STXBP5L: variants seen among roughly 807,000 people sequenced by gnomAD.
STXBP5L encodes the protein syntaxin-binding protein 5-like.
STXBP5L carries 65 observed loss-of-function variants against 144.5 expected under a neutral mutation model. The observed-to-expected ratio is 0.45, with a 90% CI of 0.37 to 0.55. STXBP5L has a LOEUF of 0.55. Among genes scored for constraint, STXBP5L ranks in the 20% least tolerant of loss-of-function variants. STXBP5L has a pLI of 0.00. For synonymous variants in STXBP5L, 505 were observed against 469.6 expected (o/e 1.08, Z -0.97); for missense variants, 1,298 against 1,405.5 (o/e 0.92, Z 1.22).
At chr3:121,249,105 A>G (rs2049951345) in intron 14 of STXBP5L, among the ~76,000 whole-genome samples, 1 of 151,726 alleles carries the variant, frequency 6.6e-6, no homozygotes, top group African/African-American at 2.4e-5. Flanking sequence ...CTTTTTGTTT[A>G]GCTATACAGG....
At chr3:121,304,365 C>G (rs543521291) in intron 19 of STXBP5L, among the ~76,000 whole-genome samples, 4 of 152,228 alleles carry the variant, frequency 2.6e-5, no homozygotes, top group African/African-American at 9.6e-5. Flanking sequence ...TAAAGCAACT[C>G]TCTTGGCCAG....
chr3:120,911,924 C>T (rs1232025935), intron 2 of STXBP5L, among the ~76,000 whole-genome samples: 3 of 151,872 alleles, frequency 2.0e-5, no homozygotes, highest in African/African-American at 7.2e-5. Context: ...TCATAGACTC[C>T]CTGATTAAAT....
Position 121,230,185 on chromosome 3 carries a change from T to C in STXBP5L, c.1112-3431T>C, listed in dbSNP as rs2049258850. 3.3e-5 allele frequency among the ~76,000 whole-genome samples: 5 copies of C among 152,112 alleles called. No homozygotes were observed. The South Asian group carries it at 1.0e-3, about 32-fold the overall frequency. ...ACAAACTAGTCATCATTCCAAATTA[T>C]TTATCTATTACTTATTTTATACAAC... On this transcript the variant is annotated intron_variant, in intron 11 of 26. Transcript: ENST00000471454.
chr3:120,997,358 A>G (rs761850507), intron 3 of STXBP5L, among the ~76,000 whole-genome samples: 1 of 152,182 alleles, frequency 6.6e-6, no homozygotes, highest in Non-Finnish European at 1.5e-5. Flanking sequence ...TTCTTTGAGA[A>G]TTCTCCAAAC....
chr3:121,143,751 C>T (rs376361417), intron 7 of STXBP5L, among the ~76,000 whole-genome samples: 5 of 151,774 alleles, frequency 3.3e-5, no homozygotes, highest in African/African-American at 9.7e-5. Context: ...TGGATATCCA[C>T]ATGTATAAGA....
At chr3:121,016,873 T>A (rs1945183717) in intron 3 of STXBP5L, among the ~76,000 whole-genome samples, 1 of 152,226 alleles carries the variant, frequency 6.6e-6, no homozygotes, top group Non-Finnish European at 1.5e-5. Context: ...GAAAAAATTA[T>A]ATCAGTTCTC....
intron 5 of STXBP5L, among the ~76,000 whole-genome samples, chr3:121,082,296 C>CT (rs140771221): frequency 0.098 from 14,864 of 151,886 alleles, 1,110 homozygotes; most frequent in Admixed American, 0.2. Flanking sequence ...TTTCTTTCAT[C>CT]ATTTTTTTTT....
At chr3:121,252,389 T>TAAAG (rs386397759) in intron 15 of STXBP5L, among the ~76,000 whole-genome samples, 2 of 151,316 alleles carry the variant, frequency 1.3e-5, no homozygotes, top group African/African-American at 4.9e-5. Flanking sequence ...AACAAATAAA[T>TAAAG]AAATAAATAA....
intron 21 of STXBP5L, among the ~76,000 whole-genome samples, chr3:121,379,728 C>G (rs1337981214): frequency 2.0e-5 from 3 of 152,038 alleles, no homozygotes; most frequent in Non-Finnish European, 4.4e-5. Context: ...TGAGTATCAA[C>G]TTTGTATGGT....
intron 19 of STXBP5L, among the ~76,000 whole-genome samples, chr3:121,303,552 C>A (rs1412655119): frequency 1.3e-5 from 2 of 152,248 alleles, no homozygotes; most frequent in Admixed American, 6.5e-5. Flanking sequence ...GATTATAAAT[C>A]ATGCTGCTAT....
intron 9 of STXBP5L, among the ~76,000 whole-genome samples, chr3:121,186,723 GACAA>G (rs1272219663): frequency 2.6e-5 from 4 of 151,980 alleles, no homozygotes; most frequent in Non-Finnish European, 5.9e-5. Context: ...TTTTTGCATT[GACAA>G]ACAACCCCAT....
intron 9 of STXBP5L, among the ~76,000 whole-genome samples, chr3:121,165,544 C>T (rs1439499665): frequency 6.6e-6 from 1 of 152,092 alleles, no homozygotes; most frequent in Non-Finnish European, 1.5e-5. Flanking sequence ...CTTTCCTTAT[C>T]CTGCTTTTGT....
At chr3:121,136,392 C>G (rs2045258661) in intron 7 of STXBP5L, among the ~76,000 whole-genome samples, 1 of 152,118 alleles carries the variant, frequency 6.6e-6, no homozygotes, top group South Asian at 2.1e-4. Context: ...CCCATGGGCC[C>G]CAGCAAAGCA....
intron 19 of STXBP5L, among the ~76,000 whole-genome samples, chr3:121,304,942 A>G (rs963593645): frequency 1.3e-5 from 2 of 152,072 alleles, no homozygotes; most frequent in African/African-American, 4.8e-5. Context: ...AACCCTAACA[A>G]TACTGATCCA....
At chr3:121,059,691 A>G (rs1340126629) in intron 5 of STXBP5L, among the ~76,000 whole-genome samples, 4 of 152,092 alleles carry the variant, frequency 2.6e-5, no homozygotes, top group Admixed American at 6.6e-5. Flanking sequence ...GGTCCTTCAC[A>G]TCCCTTGTAA....
At chr3:121,359,078 G>T (rs55947724) in intron 20 of STXBP5L, among the ~76,000 whole-genome samples, 20,719 of 152,064 alleles carry the variant, frequency 0.14, 1,865 homozygotes, top group Non-Finnish European at 0.21. Flanking sequence ...CACCAACAGT[G>T]CATGAAACTT....
intron 7 of STXBP5L, among the ~76,000 whole-genome samples, chr3:121,146,301 A>T (rs1228785035): frequency 1.3e-5 from 2 of 152,042 alleles, no homozygotes; most frequent in African/African-American, 4.8e-5. Context: ...ACAAGTACTA[A>T]TTTACATTAT....
intron 5 of STXBP5L, among the ~76,000 whole-genome samples, chr3:121,098,288 G>C (rs1481433986): frequency 6.6e-6 from 1 of 152,166 alleles, no homozygotes; most frequent in Admixed American, 6.5e-5. Context: ...GAGCACCTCT[G>C]AAAGCTTACA....
At chr3:121,406,341 T>C (rs1267850453) in intron 22 of STXBP5L, among the ~76,000 whole-genome samples, 1 of 152,100 alleles carries the variant, frequency 6.6e-6, no homozygotes, top group Non-Finnish European at 1.5e-5. Flanking sequence ...CTGTCACCCT[T>C]CCCTTTTCAA....
Sources: allele counts gnomAD v4.1 joint callset (sites outside exome capture counted in the v4.1 genomes callset), GRCh38; gene constraint gnomAD v4.1.1; transcripts MANE v1.5; gene names NCBI Gene and HGNC (gene_info 2026-07-23, HGNC 2026-07-21).